DNAH9: variants seen among roughly 807,000 people sequenced by gnomAD.
DNAH9 encodes the protein dynein axonemal heavy chain 9, also known as DNAH9 variant protein.
DNAH9 carries 345 observed loss-of-function variants against 471.6 expected under a neutral mutation model. The observed-to-expected ratio is 0.73, with a 90% CI of 0.67 to 0.80. The LOEUF (loss-of-function observed/expected upper bound fraction) is 0.80, where lower values mean the gene tolerates loss of function less well. DNAH9 is among the 30% of genes least tolerant of loss of function. The pLI, the probability that DNAH9 is intolerant of heterozygous loss-of-function variation, is 0.00. For synonymous variants in DNAH9, 2,093 were observed against 2,123.6 expected, an observed-to-expected ratio of 0.99 and a Z score of 0.40; for missense variants, 5,407 against 5,609.2, an observed-to-expected ratio of 0.96 and a Z score of 1.15.
chr17:11,931,862 T>G, intron 63 of DNAH9, 152 bp from the exon 64 acceptor site: 1 of 817,722 alleles, frequency 1.2e-6, no homozygotes, highest in Non-Finnish European at 2.0e-6. Context: ...CTTCCACACG[T>G]TCCCCCCAGG....
At chr17:11,813,348 G>A (rs1278895084) in intron 45 of DNAH9, among the ~76,000 whole-genome samples, 1 of 152,060 alleles carries the variant, frequency 6.6e-6, no homozygotes, top group Non-Finnish European at 1.5e-5. Flanking sequence ...TTTCAACAGG[G>A]AGAATTAGAG....
intron 24 of DNAH9, among the ~76,000 whole-genome samples, chr17:11,701,572 A>G (rs1032584524): frequency 2.0e-5 from 3 of 152,232 alleles, no homozygotes; most frequent in Non-Finnish European, 2.9e-5. Flanking sequence ...AGGACACACC[A>G]GTAGGGAACA....
intron 59 of DNAH9, among the ~76,000 whole-genome samples, chr17:11,900,521 T>TAAAAA (rs1973375175): frequency 5.3e-5 from 4 of 75,986 alleles, no homozygotes; most frequent in Non-Finnish European, 1.0e-4. Flanking sequence ...AAAAAAAAAT[T>TAAAAA]CCCTTTCCTT....
chr17:11,833,565 G>T (rs1013888163), intron 48 of DNAH9, among the ~76,000 whole-genome samples: 1 of 152,202 alleles, frequency 6.6e-6, no homozygotes, highest in East Asian at 1.9e-4. Flanking sequence ...GTGGTCCACA[G>T]TTGGAAGCAG....
intron 4 of DNAH9, 68 bp downstream of exon 4, chr17:11,611,848 C>T (rs750203647): frequency 6.6e-7 from 1 of 1,521,888 alleles, no homozygotes; most frequent in Non-Finnish European, 9.1e-7. Flanking sequence ...GCATTCACCT[C>T]TCTCTGTCTG....
chr17:11,719,615 G>C, intron 27 of DNAH9, 125 bp downstream of exon 27: 1 of 927,512 alleles, frequency 1.1e-6, no homozygotes, highest in Non-Finnish European at 1.6e-6. Context: ...CCCAGATCAG[G>C]AGGTCTCAGT....
chr17:11,848,940 C>T (rs1226576236), intron 49 of DNAH9, among the ~76,000 whole-genome samples: 2 of 151,866 alleles, frequency 1.3e-5, no homozygotes, highest in African/African-American at 4.8e-5. Flanking sequence ...GGGTTCACGC[C>T]ATTCTCCTGC....
In DNAH9 at chr17:11,888,012, T is replaced by C. The variant is rs761099495; in HGVS notation, c.11112+1047T>C. On this transcript the variant is annotated intron_variant, in intron 57 of 68. Coordinates refer to ENST00000262442, the MANE Select transcript of DNAH9 (RefSeq NM_001372.4). ...TGTTTTTTTTTTTTGAGAGGGAGTC[T>C]CGCTTTGTTGCCCAGGCTGGAGTGC... 2.0e-5 allele frequency among the ~76,000 whole-genome samples: 3 copies of C among 151,500 alleles called. No homozygotes were observed. In the South Asian group the frequency reaches 6.2e-4, roughly 31 times the overall value.
rs368187579 is a variant in DNAH9, at chr17:11,838,521, G to A, written c.9507+3623G>A. On this transcript the variant is annotated intron_variant, in intron 49 of 68. Coordinates refer to ENST00000262442, the MANE Select transcript of DNAH9 (RefSeq NM_001372.4). The stretch of plus-strand genomic sequence containing the variant: ...TATAAAGATAAGTATTTTACTAGAT[G>A]GAGAAGGTGGTAGAAAAGAACATCC... Among the ~76,000 whole-genome samples, 35 of 152,290 alleles carry A rather than the reference G, an allele frequency of 2.3e-4. No individual in the cohort carries two copies. In the South Asian group the frequency reaches 7.1e-3, roughly 31 times the overall value.
At chr17:11,931,587 TC>T (rs1176718060) in intron 63 of DNAH9, among the ~76,000 whole-genome samples, 2 of 152,006 alleles carry the variant, frequency 1.3e-5, no homozygotes, top group Non-Finnish European at 2.9e-5. Flanking sequence ...CCAGCTTAAC[TC>T]CCAGGCAGTG....
At chr17:11,640,631 A>G (rs1441863962) in intron 10 of DNAH9, among the ~76,000 whole-genome samples, 1 of 152,078 alleles carries the variant, frequency 6.6e-6, no homozygotes, top group Non-Finnish European at 1.5e-5. Context: ...TGGGGGATTC[A>G]TTTCTGGAGG....
intron 60 of DNAH9, among the ~76,000 whole-genome samples, chr17:11,904,403 G>C (rs1973515996): frequency 6.6e-6 from 1 of 152,048 alleles, no homozygotes; most frequent in Non-Finnish European, 1.5e-5. Context: ...GGCCGAGGCA[G>C]GAGGATCACG....
chr17:11,645,876 TTTC>T (rs1243074573), intron 11 of DNAH9, among the ~76,000 whole-genome samples: 1 of 79,050 alleles, frequency 1.3e-5, no homozygotes, highest in African/African-American at 3.3e-5. Context: ...TCTTTTTCTT[TTTC>T]TTTTTTTTTT....
intron 31 of DNAH9, 114 bp downstream of exon 31, chr17:11,745,198 T>C (rs975236506): frequency 1.2e-6 from 1 of 845,698 alleles, no homozygotes; most frequent in African/African-American, 1.7e-5. Flanking sequence ...AATATGTATC[T>C]AGTTAGTAAT....
intron 17 of DNAH9, among the ~76,000 whole-genome samples, chr17:11,672,471 G>A (rs2073987307): frequency 6.6e-6 from 1 of 152,142 alleles, no homozygotes; most frequent in Non-Finnish European, 1.5e-5. Flanking sequence ...AGGTATGGTT[G>A]CTCTTCAGTG....
intron 49 of DNAH9, among the ~76,000 whole-genome samples, chr17:11,844,930 G>T (rs958750361): frequency 1.3e-5 from 2 of 151,516 alleles, no homozygotes; most frequent in African/African-American, 4.9e-5. Context: ...TCATAGGTTT[G>T]TTGGCCACAT....
intron 45 of DNAH9, among the ~76,000 whole-genome samples, chr17:11,812,609 T>C (rs1440664964): frequency 1.3e-5 from 2 of 152,102 alleles, no homozygotes; most frequent in Admixed American, 6.6e-5. Context: ...AACCTTTGGC[T>C]TCTTTCAGGT....
Position 11,636,669 on chromosome 17 carries a change from G to T in DNAH9, c.1671G>T (p.Pro557=), listed in dbSNP as rs761563082. 3 of 1,613,732 alleles carry T rather than the reference G, an allele frequency of 1.9e-6. No individual in the cohort carries two copies. Among genetic ancestry groups the T allele is most frequent in the East Asian group, 2.2e-5 (1 of 44,864 alleles). ...TAGCAGGAAACCTCCTTGAAAGACCGCTGGTAGCGAGGGATACATCTGATA... is the reference window on the plus strand; with the variant it reads ...TAGCAGGAAACCTCCTTGAAAGACCTCTGGTAGCGAGGGATACATCTGATA... The part of the protein sequence containing the change: ...LDIAGNLLER[P]LVARDTSDKY... Residue 557 remains proline, a synonymous_variant, in exon 9 of 69, where the codon CCG becomes CCT. Transcript: ENST00000262442.
chr17:11,747,300 C>T (rs1227935074), intron 31 of DNAH9, among the ~76,000 whole-genome samples: 1 of 152,210 alleles, frequency 6.6e-6, no homozygotes, highest in African/African-American at 2.4e-5. Context: ...AGGAGGATCA[C>T]ATCTGAATCC....
Sources: allele counts gnomAD v4.1 joint callset (sites outside exome capture counted in the v4.1 genomes callset), GRCh38; gene constraint gnomAD v4.1.1; transcripts MANE v1.5; gene names NCBI Gene and HGNC (gene_info 2026-07-23, HGNC 2026-07-21).